Variants in RPH3AL observed in about 807,000 individuals in gnomAD.
The protein encoded by RPH3AL is rabphilin 3A like (without C2 domains).
A neutral mutation model predicts 43.1 loss-of-function variants in RPH3AL; 38 were observed. That is an observed-to-expected ratio of 0.88 (90% CI 0.68 to 1.15). RPH3AL has a LOEUF of 1.15. Ranked by LOEUF, RPH3AL falls within the 50% of genes most tolerant of loss-of-function variation. The probability of loss-of-function intolerance (pLI) is 0.00; values close to 1 mark genes in which losing one functional copy is unlikely to be tolerated. For missense variants in RPH3AL, 462 were observed against 423.2 expected (o/e 1.09, Z -0.81); for synonymous variants, 189 against 176.3 (o/e 1.07, Z -0.57).
intron 3 of RPH3AL, 23 bp from the exon 4 acceptor site, chr17:321,438 G>GGC (rs1555524002): frequency 1.3e-6 from 2 of 1,557,424 alleles, no homozygotes; most frequent in Non-Finnish European, 1.7e-6. Flanking sequence ...CAGCACAGAC[G>GGC]GCGTGGAGGC....
At position 213,993 on chromosome 17, in the gene RPH3AL, G is replaced by A. The variant is rs897976747; in HGVS notation, c.877-70C>T. The A allele has an allele frequency of 6.6e-5, 80 of 1,221,018 alleles. 1 individual carries two copies. In the Admixed American group the frequency reaches 1.2e-3, roughly 19 times the overall value. 75.6% of individuals were successfully genotyped at this position (1,221,018 alleles called of 1,614,324 possible). A position where few individuals can be genotyped will look rare whatever the true frequency, so the allele number is the denominator to read the frequency against. On this transcript the variant is annotated intron_variant, in intron 9 of 9. Coordinates refer to ENST00000331302, the MANE Select transcript of RPH3AL (RefSeq NM_006987.4). ...GTCCCTCCCTCCCCGGTGACAGCTC[G>A]GCCTTTGGGAATGAGATGGAGGAGC...
chr17:286,056 G>A (rs189326197), intron 5 of RPH3AL, among the ~76,000 whole-genome samples: 141 of 152,344 alleles, frequency 9.3e-4, no homozygotes, highest in African/African-American at 3.1e-3. Flanking sequence ...CTGCTGGGGG[G>A]GTGCTCGGCT....
intron 5 of RPH3AL, among the ~76,000 whole-genome samples, chr17:316,483 C>T (rs1293124454): frequency 5.3e-5 from 8 of 151,264 alleles, no homozygotes; most frequent in Non-Finnish European, 8.8e-5. Flanking sequence ...CTGTGCCCCA[C>T]CTCCACTGAC....
At chr17:292,159 C>T (rs923641519) in intron 5 of RPH3AL, among the ~76,000 whole-genome samples, 1 of 152,136 alleles carries the variant, frequency 6.6e-6, no homozygotes, top group African/African-American at 2.4e-5. Flanking sequence ...ACCCCCACAG[C>T]GGGTCCCAGA....
chr17:327,669 C>T, intron 2 of RPH3AL, 90 bp from the exon 3 acceptor site: 2 of 739,466 alleles, frequency 2.7e-6, no homozygotes, highest in Non-Finnish European at 4.6e-6. Context: ...GGCCCCTCCA[C>T]ACCATCTCCA....
intron 3 of RPH3AL, among the ~76,000 whole-genome samples, chr17:326,971 A>T (rs1181350443): frequency 1.3e-5 from 2 of 152,254 alleles, no homozygotes; most frequent in Admixed American, 1.3e-4. Context: ...GTTGTGCTTC[A>T]GCCTCAGGGG....
chr17:345,807 A>G (rs1405997742), intron 1 of RPH3AL, among the ~76,000 whole-genome samples: 1 of 127,404 alleles, frequency 7.8e-6, no homozygotes, highest in African/African-American at 2.7e-5. Flanking sequence ...CACCCTGCTG[A>G]GGCAAGCGTG....
chr17:321,180 AC>A, intron 4 of RPH3AL, 91 bp downstream of exon 4: 15 of 1,474,312 alleles, frequency 1.0e-5, no homozygotes, highest in Non-Finnish European at 1.4e-5. Context: ...AAATAGCAAA[AC>A]CAGGACCCGG....
rs2042549247 is a variant in RPH3AL at position 273,127 on chromosome 17, CGTCAGGGAGAGACCCCAGCGAGGGTGAT to C, written c.438+8613_438+8640del. On this transcript the variant is annotated intron_variant, in intron 6 of 9. Coordinates refer to ENST00000331302, the MANE Select transcript of RPH3AL (RefSeq NM_006987.4). ...CAGGGAGAGACCCCAGCGAGGGTGA[CGTCAGGGAGAGACCCCAGCGAGGGTGAT>C]GTCAGGGTGAGACCCCAGCGCGGGT... Among the ~76,000 whole-genome samples, 4 of 67,950 alleles carry C rather than the reference CGTCAGGGAGAGACCCCAGCGAGGGTGAT, an allele frequency of 5.9e-5. 1 individual carries two copies. The highest frequency in any genetic ancestry group is 1.5e-4 in the African/African-American group (3 of 20,378). 44.6% of individuals were successfully genotyped at this position (67,950 alleles called of 152,430 possible). A position where few individuals can be genotyped will look rare whatever the true frequency, so the allele number is the denominator to read the frequency against.
At chr17:260,469 G>A (rs1307936198) in intron 6 of RPH3AL, among the ~76,000 whole-genome samples, 3 of 152,216 alleles carry the variant, frequency 2.0e-5, no homozygotes, top group Non-Finnish European at 4.4e-5. Flanking sequence ...CATGAACAAA[G>A]AAGGGAAAGC....
chr17:334,365 G>A (rs1053633645), intron 1 of RPH3AL, among the ~76,000 whole-genome samples: 5 of 152,260 alleles, frequency 3.3e-5, no homozygotes, highest in African/African-American at 1.2e-4. Context: ...CTGCCTCAGA[G>A]AAGCCCGGCA....
chr17:335,236 C>G (rs12951437), intron 1 of RPH3AL, among the ~76,000 whole-genome samples: 57,542 of 151,870 alleles, frequency 0.38, 11,722 homozygotes, highest in East Asian at 0.72. Flanking sequence ...GAGACTATCT[C>G]TATGGTGAGA....
At chr17:214,081 C>T (rs755717842) in intron 9 of RPH3AL, among the ~76,000 whole-genome samples, 158 bp from the exon 10 acceptor site, 5 of 152,212 alleles carry the variant, frequency 3.3e-5, no homozygotes, top group Admixed American at 1.3e-4. Context: ...GAGACCAGCA[C>T]CGCTCTGCTC....
At chr17:318,384 G>T (rs1209508407) in intron 5 of RPH3AL, among the ~76,000 whole-genome samples, 1 of 152,026 alleles carries the variant, frequency 6.6e-6, no homozygotes, top group African/African-American at 2.4e-5. Context: ...TCCGTCTCTG[G>T]GGGTGGAAAA....
At position 344,573 on chromosome 17, in the gene RPH3AL, C is replaced by T. The variant is rs774981410; in HGVS notation, c.-213+8139G>A. Among the ~76,000 whole-genome samples, 6 of 133,480 alleles carry T rather than the reference C, an allele frequency of 4.5e-5. 1 individual carries two copies. The highest frequency in any genetic ancestry group is 5.1e-5 in the African/African-American group (2 of 38,902). The allele number at this position is 133,480 out of a possible 152,430, so 87.6% of individuals were successfully genotyped here. ...CCATCATCATCACCAACACCACTATCATCGCCCTCATCATCACCATCATTG... is the reference window on the plus strand; with the variant it reads ...CCATCATCATCACCAACACCACTATTATCGCCCTCATCATCACCATCATTG... On this transcript the variant is annotated intron_variant, in intron 1 of 9. Transcript: ENST00000331302.
At chr17:238,022 C>A (rs1450614887) in intron 7 of RPH3AL, among the ~76,000 whole-genome samples, 1 of 151,996 alleles carries the variant, frequency 6.6e-6, no homozygotes, top group African/African-American at 2.4e-5. Flanking sequence ...TGGTACATGG[C>A]CAGCTACTTG....
At chr17:230,264 C>A (rs1175512168) in intron 7 of RPH3AL, among the ~76,000 whole-genome samples, 1 of 152,334 alleles carries the variant, frequency 6.6e-6, no homozygotes, top group Middle Eastern at 3.4e-3. Context: ...ATAACGAAGA[C>A]AAATCCTCAA....
At chr17:301,295 G>A (rs951352048) in intron 5 of RPH3AL, among the ~76,000 whole-genome samples, 2 of 152,188 alleles carry the variant, frequency 1.3e-5, no homozygotes, top group Non-Finnish European at 2.9e-5. Context: ...AGGTACATAG[G>A]CAAAGTTCTC....
chr17:321,475 C>T, intron 3 of RPH3AL, 60 bp from the exon 4 acceptor site: 1 of 1,479,846 alleles, frequency 6.8e-7, no homozygotes, highest in Non-Finnish European at 9.0e-7. Flanking sequence ...CCGGCAGCCC[C>T]TACCACATCC....
Sources: gnomAD v4.1 joint callset for allele counts (sites outside exome capture counted in the v4.1 genomes callset) on GRCh38, gnomAD v4.1.1 for gene constraint, MANE v1.5 for transcripts, NCBI Gene and HGNC (gene_info 2026-07-23, HGNC 2026-07-21) for gene names.